PCSK2: variants seen among roughly 807,000 people sequenced by gnomAD.
PCSK2 encodes the protein proprotein convertase subtilisin/kexin type 2.
Under a neutral mutation model 69.7 loss-of-function variants are expected in PCSK2, and 14 were observed. That is an observed-to-expected ratio of 0.20 (90% CI 0.13 to 0.31). The LOEUF (loss-of-function observed/expected upper bound fraction) is 0.31, where lower values mean the gene tolerates loss of function less well. PCSK2 is among the 10% of genes least tolerant of loss of function. The probability of loss-of-function intolerance (pLI) is 1.00; values close to 1 mark genes in which losing one functional copy is unlikely to be tolerated. For missense variants in PCSK2, 544 were observed against 842.5 expected, an observed-to-expected ratio of 0.65 and a Z score of 4.39; for synonymous variants, 307 against 320.7, an observed-to-expected ratio of 0.96 and a Z score of 0.46.
At chr20:17,228,869 C>A (rs938403196) in intron 1 of PCSK2, among the ~76,000 whole-genome samples, 1 of 152,088 alleles carries the variant, frequency 6.6e-6, no homozygotes, top group East Asian at 1.9e-4. Context: ...GGCGCGCGGG[C>A]GGGTCTTGCG....
At position 17,453,652 on chromosome 20, in the gene PCSK2, G is replaced by C. The variant is rs2032866999; in HGVS notation, c.886-90G>C. ...CACCCAGTCTTTAGGTTCAACTGCT[G>C]AAGAAGCCCAACCCCTGGGCTGGAG... On this transcript the variant is annotated intron_variant, in intron 8 of 11. Coordinates refer to ENST00000262545, the MANE Select transcript of PCSK2 (RefSeq NM_002594.5). This position sits in a 1 kb window ranked among gnomAD's most constrained non-coding sequence, Gnocchi z 4.0. The C allele has an allele frequency of 4.9e-6, 7 of 1,434,188 alleles. No individual in the cohort carries two copies. Among genetic ancestry groups the C allele is most frequent in the Non-Finnish European group, 5.8e-6 (6 of 1,043,224 alleles). 88.8% of individuals were successfully genotyped at this position (1,434,188 alleles called of 1,614,324 possible). A position where few individuals can be genotyped will look rare whatever the true frequency, so the allele number is the denominator to read the frequency against.
chr20:17,443,132 T>A (rs894226998), intron 8 of PCSK2, among the ~76,000 whole-genome samples: 2 of 152,142 alleles, frequency 1.3e-5, no homozygotes, highest in African/African-American at 4.8e-5. Flanking sequence ...AACACAATTA[T>A]GAGATGGGAA....
chr20:17,291,839 C>T (rs943083666), intron 2 of PCSK2, among the ~76,000 whole-genome samples: 1 of 152,092 alleles, frequency 6.6e-6, no homozygotes, highest in African/African-American at 2.4e-5. Flanking sequence ...AACCTAGGCT[C>T]CTTTATTTTT....
intron 2 of PCSK2, among the ~76,000 whole-genome samples, chr20:17,344,982 A>C (rs1017243078): frequency 2.6e-5 from 4 of 152,214 alleles, no homozygotes; most frequent in African/African-American, 9.6e-5. Flanking sequence ...TCTTTGCAAA[A>C]AGCTGCCTAA....
chr20:17,229,281 T>A (rs1164556106), intron 1 of PCSK2, among the ~76,000 whole-genome samples: 1 of 151,696 alleles, frequency 6.6e-6, no homozygotes, highest in South Asian at 2.1e-4. Flanking sequence ...AGTGAACCCA[T>A]GCTCTTTACT....
chr20:17,387,965 A>C (rs965762107), intron 5 of PCSK2, among the ~76,000 whole-genome samples: 22 of 152,210 alleles, frequency 1.4e-4, no homozygotes, highest in Admixed American at 9.2e-4. Flanking sequence ...AGTTAAGGGA[A>C]GATTTCCCTA....
At chr20:17,310,756 C>T (rs1014228533) in intron 2 of PCSK2, among the ~76,000 whole-genome samples, 1 of 151,052 alleles carries the variant, frequency 6.6e-6, no homozygotes, top group Non-Finnish European at 1.5e-5. Flanking sequence ...CTTTGGGAGG[C>T]CGAGGCAGGT....
Position 17,449,394 on chromosome 20 carries a change from C to T in PCSK2, c.886-4348C>T, listed in dbSNP as rs753925887. The stretch of plus-strand genomic sequence containing the variant: ...TTTAGGCTTTCCTTTAACACCTATT[C>T]CCTGGATAAAATTCCCTCTGTTGAC... On this transcript the variant is annotated intron_variant, in intron 8 of 11. Coordinates refer to ENST00000262545, the MANE Select transcript of PCSK2 (RefSeq NM_002594.5). Among the ~76,000 whole-genome samples, 109 of 152,122 alleles carry T rather than the reference C, an allele frequency of 7.2e-4. 2 individuals carry two copies. Among genetic ancestry groups the T allele is most frequent in the Non-Finnish European group, 1.3e-3 (87 of 68,004 alleles).
At chr20:17,233,652 G>T (rs1184376319) in intron 1 of PCSK2, among the ~76,000 whole-genome samples, 1 of 152,144 alleles carries the variant, frequency 6.6e-6, no homozygotes, top group African/African-American at 2.4e-5. Context: ...TTCAGGCCAT[G>T]GGAAACTCAG....
At chr20:17,229,765 T>G (rs1242079773) in intron 1 of PCSK2, among the ~76,000 whole-genome samples, 2 of 152,090 alleles carry the variant, frequency 1.3e-5, no homozygotes, top group African/African-American at 4.8e-5. Context: ...TAAACCTCCT[T>G]TTGGATCCAT....
At chr20:17,389,677 G>C (rs1022446854) in intron 5 of PCSK2, among the ~76,000 whole-genome samples, 87 of 152,316 alleles carry the variant, frequency 5.7e-4, no homozygotes, top group Non-Finnish European at 7.1e-4. Flanking sequence ...GTGAGGACTA[G>C]AATGGGTAAG....
chr20:17,263,109 C>A, intron 2 of PCSK2: 1 of 984,562 alleles, frequency 1.0e-6, no homozygotes, highest in Non-Finnish European at 1.2e-6. Flanking sequence ...AACCTCCAAG[C>A]TCTGCTAGCA....
At chr20:17,433,386 G>A (rs531391099) in intron 7 of PCSK2, among the ~76,000 whole-genome samples, 4 of 152,340 alleles carry the variant, frequency 2.6e-5, no homozygotes, top group African/African-American at 9.6e-5. Flanking sequence ...GGATGAGCAT[G>A]AATTTCCTCC....
intron 2 of PCSK2, among the ~76,000 whole-genome samples, chr20:17,315,736 G>A (rs1490268096): frequency 6.6e-6 from 1 of 152,234 alleles, no homozygotes; most frequent in Non-Finnish European, 1.5e-5. Context: ...CCTGGCTTGG[G>A]GGTGAGTCTG....
intron 5 of PCSK2, among the ~76,000 whole-genome samples, chr20:17,400,669 G>A (rs183345300): frequency 0.013 from 1,947 of 152,086 alleles, 16 homozygotes; most frequent in Non-Finnish European, 0.02. Context: ...CTCTCCCCAG[G>A]CAAAGTACTG....
At chr20:17,269,708 C>T (rs993735020) in intron 2 of PCSK2, among the ~76,000 whole-genome samples, 1 of 152,120 alleles carries the variant, frequency 6.6e-6, no homozygotes, top group African/African-American at 2.4e-5. Flanking sequence ...TAGGCACTAA[C>T]TCAGAGCCAA....
chr20:17,442,917 A>C (rs923975297), intron 8 of PCSK2, among the ~76,000 whole-genome samples: 1 of 152,162 alleles, frequency 6.6e-6, no homozygotes, highest in Non-Finnish European at 1.5e-5. Flanking sequence ...CCTTGCCTTC[A>C]TGAGTCTGGA....
At chr20:17,275,628 A>G (rs2123034036) in intron 2 of PCSK2, among the ~76,000 whole-genome samples, 1 of 152,308 alleles carries the variant, frequency 6.6e-6, no homozygotes, top group Non-Finnish European at 1.5e-5. Context: ...AGAAGCTCAA[A>G]TAAAATTATC....
At chr20:17,421,871 TAA>T (rs2032138810) in intron 6 of PCSK2, among the ~76,000 whole-genome samples, 1 of 127,700 alleles carries the variant, frequency 7.8e-6, no homozygotes, top group Non-Finnish European at 1.7e-5. Context: ...AAAATTATCC[TAA>T]AATCCACTAT....
Sources: gnomAD v4.1 joint callset for allele counts (sites outside exome capture counted in the v4.1 genomes callset) on GRCh38, gnomAD v4.1.1 for gene constraint, Gnocchi (gnomAD v3.1) non-coding constraint, MANE v1.5 for transcripts, NCBI Gene and HGNC (gene_info 2026-07-23, HGNC 2026-07-21) for gene names.